The following CCDC178 variants were observed in gnomAD, a reference collection of about 807,000 sequenced individuals.
The protein encoded by CCDC178 is coiled-coil domain-containing protein 178.
A neutral mutation model predicts 117.4 loss-of-function variants in CCDC178; 126 were observed. That is an observed-to-expected ratio of 1.07 (90% CI 0.93 to 1.24). CCDC178 has a LOEUF of 1.24. CCDC178 is among the 50% of genes most tolerant of loss of function. CCDC178 has a pLI of 0.00. For synonymous variants in CCDC178, 283 were observed against 313.4 expected (o/e 0.90, Z 1.02); for missense variants, 1,030 against 986.9 (o/e 1.04, Z -0.59).
At chr18:33,402,135 T>G (rs2063716931) in intron 3 of CCDC178, among the ~76,000 whole-genome samples, 2 of 151,826 alleles carry the variant, frequency 1.3e-5, no homozygotes. Context: ...ATACTTAACT[T>G]GAAACAAAAA....
chr18:33,295,783 A>T (rs903573192), intron 11 of CCDC178, among the ~76,000 whole-genome samples: 6 of 152,178 alleles, frequency 3.9e-5, no homozygotes, highest in Non-Finnish European at 7.4e-5. Flanking sequence ...TTTTAAAAAA[A>T]TAGTGTTCTC....
intron 21 of CCDC178, among the ~76,000 whole-genome samples, chr18:33,002,615 A>C (rs1435862127): frequency 6.6e-6 from 1 of 152,084 alleles, no homozygotes; most frequent in Non-Finnish European, 1.5e-5. Flanking sequence ...CTAACAACGC[A>C]TCTTAAAGAA....
At chr18:33,282,290 T>G (rs1568113593) in intron 12 of CCDC178, among the ~76,000 whole-genome samples, 1 of 152,102 alleles carries the variant, frequency 6.6e-6, no homozygotes, top group Non-Finnish European at 1.5e-5. Flanking sequence ...GCAAGCCAGC[T>G]GATGTGGAGC....
chr18:33,008,692 A>T (rs1400057864), intron 21 of CCDC178, among the ~76,000 whole-genome samples: 1 of 151,808 alleles, frequency 6.6e-6, no homozygotes, highest in Non-Finnish European at 1.5e-5. Context: ...TGTGGAATCT[A>T]CTCCAATCAG....
chr18:33,352,563 C>T (rs999217599), intron 7 of CCDC178, among the ~76,000 whole-genome samples: 4 of 152,012 alleles, frequency 2.6e-5, no homozygotes, highest in Admixed American at 2.6e-4. Context: ...CTAAATTTCC[C>T]TCTGTGGACT....
At chr18:33,280,053 A>C (rs969900772) in intron 12 of CCDC178, among the ~76,000 whole-genome samples, 2 of 150,316 alleles carry the variant, frequency 1.3e-5, no homozygotes, top group African/African-American at 4.9e-5. Context: ...CAAGGACTTC[A>C]TGTCTAAAAC....
chr18:33,357,201 T>A (rs1356917249), intron 6 of CCDC178, among the ~76,000 whole-genome samples: 2 of 152,032 alleles, frequency 1.3e-5, no homozygotes, highest in African/African-American at 4.8e-5. Context: ...CTAAAATGTA[T>A]AAAATCAAGC....
At chr18:33,064,638 C>T (rs946339093) in intron 21 of CCDC178, among the ~76,000 whole-genome samples, 9 of 152,152 alleles carry the variant, frequency 5.9e-5, no homozygotes, top group African/African-American at 2.2e-4. Context: ...AGGACAGCTG[C>T]TGTGAAAAAC....
intron 2 of CCDC178, among the ~76,000 whole-genome samples, chr18:33,422,146 AATT>A (rs1375063148): frequency 6.6e-6 from 1 of 152,126 alleles, no homozygotes; most frequent in Non-Finnish European, 1.5e-5. Context: ...ACCATTTTTA[AATT>A]ATTATCTTAC....
At chr18:33,252,349 T>C (rs2059626843) in intron 14 of CCDC178, among the ~76,000 whole-genome samples, 1 of 151,756 alleles carries the variant, frequency 6.6e-6, no homozygotes, top group African/African-American at 2.4e-5. Context: ...TTATTTTTAG[T>C]ATTCAACTCT....
intron 5 of CCDC178, among the ~76,000 whole-genome samples, chr18:33,378,694 CATA>C (rs1312158161): frequency 6.6e-6 from 1 of 152,056 alleles, no homozygotes; most frequent in African/African-American, 2.4e-5. Context: ...TTGAGATGAT[CATA>C]ATGTTTTTGT....
intron 14 of CCDC178, among the ~76,000 whole-genome samples, chr18:33,258,246 C>T (rs926945085): frequency 1.3e-5 from 2 of 152,074 alleles, no homozygotes; most frequent in African/African-American, 4.8e-5. Context: ...AGTATATGAG[C>T]CCTGTCTGCC....
At chr18:33,063,734 C>A (rs1328825146) in intron 21 of CCDC178, among the ~76,000 whole-genome samples, 2 of 152,162 alleles carry the variant, frequency 1.3e-5, no homozygotes, top group Admixed American at 6.5e-5. Flanking sequence ...GGACAAGAAT[C>A]CCCAGGCCTG....
chr18:33,060,669 G>C (rs760588945), intron 21 of CCDC178, among the ~76,000 whole-genome samples: 20 of 151,936 alleles, frequency 1.3e-4, no homozygotes, highest in Non-Finnish European at 2.5e-4. Context: ...ACAAAACACT[G>C]TTACGCTGAA....
chr18:33,344,697 G>A (rs893875816), intron 9 of CCDC178, among the ~76,000 whole-genome samples: 1 of 151,758 alleles, frequency 6.6e-6, no homozygotes, highest in African/African-American at 2.4e-5. Flanking sequence ...TAGGAAAATT[G>A]TGCATGACTC....
Position 33,245,327 on chromosome 18 carries a change from C to A in CCDC178, c.1511G>T (p.Arg504Leu). The change falls in exon 15 of 23, where the codon CGC (arginine) becomes CTC (leucine). Residue 504 changes from arginine to leucine, a missense_variant. By Grantham distance (102) the Arg-to-Leu change is moderately radical (BLOSUM62 -2). Transcript: ENST00000383096. The part of the protein sequence containing the change: ...HLKNIYKEAY[R>L]IGTLFHLTKH... ...GGTTAGGTGGAAAAGAGTACCAATGCGATAAGCCTCCTTATAGATGTTCTT... is the reference window on the plus strand; with the variant it reads ...GGTTAGGTGGAAAAGAGTACCAATGAGATAAGCCTCCTTATAGATGTTCTT... 6.2e-7 allele frequency: 1 copy of A among 1,609,102 alleles called. No homozygotes were observed. Among genetic ancestry groups the A allele is most frequent in the South Asian group, 1.1e-5 (1 of 90,094 alleles).
chr18:33,238,364 T>A (rs1430522212), intron 15 of CCDC178, among the ~76,000 whole-genome samples: 1 of 151,576 alleles, frequency 6.6e-6, no homozygotes, highest in Non-Finnish European at 1.5e-5. Context: ...ATAAGGAAAC[T>A]CAGAGAGATA....
intron 20 of CCDC178, among the ~76,000 whole-genome samples, chr18:33,098,749 G>C (rs1439325164): frequency 6.6e-6 from 1 of 151,848 alleles, no homozygotes; most frequent in African/African-American, 2.4e-5. Flanking sequence ...TCATTTTTTT[G>C]TTTATTTAAT....
intron 20 of CCDC178, among the ~76,000 whole-genome samples, chr18:33,145,729 G>C (rs543716022): frequency 6.6e-6 from 1 of 152,154 alleles, no homozygotes; most frequent in East Asian, 1.9e-4. Context: ...TGACCCTTCA[G>C]CTTTCTCTTC....
Sources: allele counts gnomAD v4.1 joint callset (sites outside exome capture counted in the v4.1 genomes callset), GRCh38; gene constraint gnomAD v4.1.1; transcripts MANE v1.5; gene names NCBI Gene and HGNC (gene_info 2026-07-23, HGNC 2026-07-21).